The following ACOXL variants were observed in gnomAD, a reference collection of about 807,000 sequenced individuals.
ACOXL encodes acyl-coenzyme A oxidase-like protein.
Under a neutral mutation model 71.9 loss-of-function variants are expected in ACOXL, and 70 were observed. The ratio of observed to expected loss-of-function variants is 0.97; its 90% CI spans 0.80 to 1.19. ACOXL has a LOEUF of 1.19. Among genes scored for constraint, ACOXL ranks in the 50% most tolerant of loss-of-function variants. The probability of loss-of-function intolerance (pLI) is 0.00; values close to 1 mark genes in which losing one functional copy is unlikely to be tolerated. For synonymous variants in ACOXL, 253 were observed against 281.6 expected (o/e 0.90, Z 1.02); for missense variants, 703 against 736.3 (o/e 0.95, Z 0.52).
rs190173571 is a variant in ACOXL, at chr2:110,963,181, T to C, written c.1060-23927T>C. On this transcript the variant is annotated intron_variant, in intron 12 of 17. Transcript: ENST00000439055. ...GAGTGGCAATTTAAGACATTTATGC[T>C]GCCTCCCGAGGAGTTTTGTAGGTAT... Among the ~76,000 whole-genome samples, 689 of 152,262 alleles carry C rather than the reference T, an allele frequency of 4.5e-3. 9 individuals carry two copies. The highest frequency in any genetic ancestry group is 7.6e-3 in the Non-Finnish European group (514 of 68,014).
At chr2:110,941,987 G>A (rs943914554) in intron 12 of ACOXL, among the ~76,000 whole-genome samples, 3 of 152,172 alleles carry the variant, frequency 2.0e-5, no homozygotes, top group African/African-American at 7.2e-5. Context: ...AATGTAGTGT[G>A]AGGTTTATAA....
At chr2:110,873,280 C>T (rs1338756193) in intron 10 of ACOXL, among the ~76,000 whole-genome samples, 1 of 151,924 alleles carries the variant, frequency 6.6e-6, no homozygotes, top group Non-Finnish European at 1.5e-5. Flanking sequence ...GGCACGCCAT[C>T]GTTTGATGCC....
At chr2:110,741,903 C>G (rs1015585969) in intron 1 of ACOXL, among the ~76,000 whole-genome samples, 1 of 152,204 alleles carries the variant, frequency 6.6e-6, no homozygotes, top group Non-Finnish European at 1.5e-5. Context: ...AAGTGTCTGC[C>G]TCCAGCGGTG....
At chr2:110,748,589 C>T (rs1460348281) in intron 1 of ACOXL, among the ~76,000 whole-genome samples, 4 of 152,164 alleles carry the variant, frequency 2.6e-5, no homozygotes, top group African/African-American at 9.7e-5. Flanking sequence ...TCAGAGCTTG[C>T]AGTGTTTGCC....
chr2:110,965,362 G>T (rs529862774), intron 12 of ACOXL, among the ~76,000 whole-genome samples: 1 of 152,122 alleles, frequency 6.6e-6, no homozygotes, highest in South Asian at 2.1e-4. Context: ...TTGCTGGATC[G>T]TAGGGTAGTT....
chr2:110,906,402 G>C (rs1472661960), intron 10 of ACOXL, among the ~76,000 whole-genome samples: 1 of 151,826 alleles, frequency 6.6e-6, no homozygotes, highest in Non-Finnish European at 1.5e-5. Flanking sequence ...AGCTGGGTGT[G>C]GTGGTGGGTG....
At chr2:111,071,453 C>T (rs959157238) in intron 16 of ACOXL, among the ~76,000 whole-genome samples, 2 of 152,174 alleles carry the variant, frequency 1.3e-5, no homozygotes, top group Non-Finnish European at 2.9e-5. Context: ...TTAGAAATTG[C>T]AAAGCCATTG....
At position 111,000,599 on chromosome 2, in the gene ACOXL, T is replaced by TA. The variant is rs201659033; in HGVS notation, c.1281+4595_1281+4596insA. Among the ~76,000 whole-genome samples, 68 of 152,332 alleles carry TA rather than the reference T, an allele frequency of 4.5e-4. 1 individual carries two copies. The East Asian group carries it at 0.013, about 29-fold the overall frequency. On this transcript the variant is annotated intron_variant, in intron 14 of 17. Coordinates refer to ENST00000439055, the MANE Select transcript of ACOXL (RefSeq NM_001142807.4). ...AATCATGGTGGCAGCAGGGCCCTGCTCCCTCTGAGACCCTGGGTAGAATCC... is the reference window on the plus strand; with the variant it reads ...AATCATGGTGGCAGCAGGGCCCTGCTACCCTCTGAGACCCTGGGTAGAATCC...
At chr2:111,097,502 C>T (rs867895045) in intron 17 of ACOXL, among the ~76,000 whole-genome samples, 8 of 152,336 alleles carry the variant, frequency 5.3e-5, no homozygotes, top group African/African-American at 1.9e-4. Context: ...TGATTTCTAG[C>T]ACCGTCCTCC....
chr2:110,745,220 G>A (rs929325276), intron 1 of ACOXL, among the ~76,000 whole-genome samples: 12 of 152,212 alleles, frequency 7.9e-5, no homozygotes, highest in African/African-American at 2.9e-4. Flanking sequence ...CTCTCTTCCT[G>A]TCCAGACAGG....
chr2:111,049,151 C>T, intron 15 of ACOXL, 67 bp from the exon 16 acceptor site: 1 of 1,236,204 alleles, frequency 8.1e-7, no homozygotes, highest in Non-Finnish European at 1.2e-6. Flanking sequence ...ACAGTGTCCT[C>T]CTTCACATCA....
intron 1 of ACOXL, among the ~76,000 whole-genome samples, chr2:110,733,956 A>G (rs567159000): frequency 6.6e-6 from 1 of 152,324 alleles, no homozygotes; most frequent in East Asian, 1.9e-4. Context: ...TTCTCTCACT[A>G]ATGTACAGTG....
At chr2:111,052,436 C>T (rs1391902634) in intron 16 of ACOXL, among the ~76,000 whole-genome samples, 1 of 151,940 alleles carries the variant, frequency 6.6e-6, no homozygotes, top group East Asian at 1.9e-4. Context: ...CAGGAGAAAG[C>T]CAGCTTCTCT....
chr2:110,853,708 T>C (rs1406069917), intron 10 of ACOXL, among the ~76,000 whole-genome samples: 4 of 152,216 alleles, frequency 2.6e-5, no homozygotes, highest in African/African-American at 9.7e-5. Context: ...GGACTCACTG[T>C]TGCCCTCTAG....
Position 110,794,123 on chromosome 2 carries a change from G to A in ACOXL, c.294G>A (p.Gly98=). Reference sequence around the variant, plus strand: ...TTGCAATGACCGAGAGGGGCCATGGGAGCAACGCGAGAGGGATCCAGACCG... The same window carrying A: ...TTGCAATGACCGAGAGGGGCCATGGAAGCAACGCGAGAGGGATCCAGACCG... ...GMFAMTERGH[G]SNARGIQTEA... The change falls in exon 5 of 18, where the codon GGG becomes GGA. Residue 98 remains glycine (G), a synonymous_variant. Coordinates refer to ENST00000439055, the MANE Select transcript of ACOXL (RefSeq NM_001142807.4). 6.2e-7 allele frequency: 1 copy of A among 1,614,184 alleles called. No individual in the cohort carries two copies. Among genetic ancestry groups the A allele is most frequent in the Non-Finnish European group, 8.5e-7 (1 of 1,180,032 alleles).
At chr2:111,046,771 A>T (rs1220315430) in intron 15 of ACOXL, among the ~76,000 whole-genome samples, 1 of 152,144 alleles carries the variant, frequency 6.6e-6, no homozygotes, top group Non-Finnish European at 1.5e-5. Flanking sequence ...ATCAGGTGGG[A>T]TCCTGGCCAA....
At chr2:110,893,423 A>G (rs2058873909) in intron 10 of ACOXL, among the ~76,000 whole-genome samples, 1 of 152,204 alleles carries the variant, frequency 6.6e-6, no homozygotes, top group Non-Finnish European at 1.5e-5. Flanking sequence ...ACTTTGTTGA[A>G]TTAGCAAAGT....
intron 14 of ACOXL, among the ~76,000 whole-genome samples, chr2:111,019,113 T>C (rs2064618121): frequency 6.6e-6 from 1 of 152,218 alleles, no homozygotes. Flanking sequence ...CATAACATAG[T>C]CTTCAGCTGA....
intron 14 of ACOXL, among the ~76,000 whole-genome samples, chr2:110,997,357 CTT>C (rs889322063): frequency 1.3e-5 from 2 of 150,488 alleles, no homozygotes; most frequent in Non-Finnish European, 3.0e-5. Context: ...AAAAAAAAGA[CTT>C]ATACTTAGAC....
Sources: gnomAD v4.1 joint callset for allele counts (sites outside exome capture counted in the v4.1 genomes callset) on GRCh38, gnomAD v4.1.1 for gene constraint, MANE v1.5 for transcripts, NCBI Gene and HGNC (gene_info 2026-07-23, HGNC 2026-07-21) for gene names.